CCDC7: variants seen among roughly 807,000 people sequenced by gnomAD.
CCDC7 encodes the protein coiled-coil domain-containing protein 7.
Under a neutral mutation model 196.9 loss-of-function variants are expected in CCDC7, and 183 were observed. The ratio of observed to expected loss-of-function variants is 0.93; its 90% CI spans 0.82 to 1.05. CCDC7 has a LOEUF of 1.05. CCDC7 is among the 50% of genes least tolerant of loss of function. CCDC7 has a pLI of 0.00. For synonymous variants in CCDC7, 525 were observed against 484.6 expected (o/e 1.08, Z -1.10); for missense variants, 1,540 against 1,482.2 (o/e 1.04, Z -0.64).
At chr10:32,634,186 T>C in intron 18 of CCDC7, 68 bp from the exon 20 acceptor site, 12 of 655,114 alleles carry the variant, frequency 1.8e-5, no homozygotes, top group Non-Finnish European at 2.6e-5. Flanking sequence ...GTTTAAAATG[T>C]GAAATTTGGA....
intron 33 of CCDC7, among the ~76,000 whole-genome samples, chr10:32,844,847 C>T (rs2093185468): frequency 6.6e-6 from 1 of 151,624 alleles, no homozygotes; most frequent in Non-Finnish European, 1.5e-5. Context: ...GACTCTTCTA[C>T]TATAATAATA....
At chr10:32,454,890 C>T (rs930765046) in intron 2 of CCDC7, among the ~76,000 whole-genome samples, 1 of 152,154 alleles carries the variant, frequency 6.6e-6, no homozygotes, top group African/African-American at 2.4e-5. Flanking sequence ...CACAGGGAAA[C>T]ATAATCCATT....
At chr10:32,683,938 A>G (rs1210288757) in intron 21 of CCDC7, among the ~76,000 whole-genome samples, 2 of 152,142 alleles carry the variant, frequency 1.3e-5, no homozygotes, top group Admixed American at 6.5e-5. Flanking sequence ...GAGGCACGAG[A>G]TAGCTTTTGA....
chr10:32,613,934 T>G (rs1413516894), intron 18 of CCDC7, among the ~76,000 whole-genome samples: 1 of 152,162 alleles, frequency 6.6e-6, no homozygotes, highest in Non-Finnish European at 1.5e-5. Flanking sequence ...GTTTATTAGG[T>G]CCAGAGCTGA....
Position 32,847,912 on chromosome 10 carries a change from C to T in CCDC7, c.3768C>T (p.His1256=), listed in dbSNP as rs1321777606. Residue 1256 remains histidine (H), a synonymous_variant, in exon 38 of 42, where the codon CAC becomes CAT. Coordinates refer to ENST00000639629, the Ensembl canonical transcript of CCDC7. The stretch of plus-strand genomic sequence containing the variant: ...AGATAAAGACACAACTAAGGACTCA[C>T]TATGGTAAGAATAATAATTTTAAGT... The T allele has an allele frequency of 2.5e-6, 4 of 1,584,052 alleles. No homozygotes were observed. In the South Asian group the frequency reaches 3.4e-5, roughly 13 times the overall value.
chr10:32,491,858 A>G (rs1298003976), intron 8 of CCDC7, 64 bp from the exon 10 acceptor site: 2 of 1,433,724 alleles, frequency 1.4e-6, no homozygotes, highest in Non-Finnish European at 1.9e-6. Flanking sequence ...AGTTATATTT[A>G]GCATAGAGCT....
chr10:32,561,107 A>T (rs1169884475), intron 13 of CCDC7, among the ~76,000 whole-genome samples: 1 of 152,232 alleles, frequency 6.6e-6, no homozygotes, highest in Non-Finnish European at 1.5e-5. Flanking sequence ...ATTCAACAAG[A>T]AGAGGTAACT....
At chr10:32,780,449 G>T (rs1304349953) in intron 29 of CCDC7, among the ~76,000 whole-genome samples, 1 of 152,130 alleles carries the variant, frequency 6.6e-6, no homozygotes, top group East Asian at 1.9e-4. Flanking sequence ...TTATGTTATG[G>T]ACACACAATA....
chr10:32,462,928 C>A, intron 4 of CCDC7, 89 bp from the exon 6 acceptor site: 10 of 1,559,042 alleles, frequency 6.4e-6, no homozygotes, highest in Non-Finnish European at 7.9e-6. Context: ...TTCAGAGACA[C>A]AGACACACAT....
At chr10:32,723,585 A>AGATT (rs2082707766) in intron 25 of CCDC7, among the ~76,000 whole-genome samples, 1 of 152,082 alleles carries the variant, frequency 6.6e-6, no homozygotes, top group African/African-American at 2.4e-5. Context: ...CTGAGGATGT[A>AGATT]GATTGTTTTG....
intron 20 of CCDC7, among the ~76,000 whole-genome samples, chr10:32,635,644 C>G (rs2065507180): frequency 6.6e-6 from 1 of 151,876 alleles, no homozygotes; most frequent in South Asian, 2.1e-4. Context: ...AAAACAAAAC[C>G]CAAAACAAAC....
intron 28 of CCDC7, among the ~76,000 whole-genome samples, chr10:32,753,526 A>G (rs1287507415): frequency 6.6e-6 from 1 of 152,176 alleles, no homozygotes; most frequent in Non-Finnish European, 1.5e-5. Context: ...GCCTAAAGTC[A>G]CATCATTACA....
At chr10:32,871,950 A>G (rs1003954478) in intron 41 of CCDC7, among the ~76,000 whole-genome samples, 2 of 152,150 alleles carry the variant, frequency 1.3e-5, no homozygotes, top group African/African-American at 4.8e-5. Flanking sequence ...GTTTGATTGC[A>G]CTGTGGTCTG....
At chr10:32,631,307 T>C (rs1055345865) in intron 18 of CCDC7, among the ~76,000 whole-genome samples, 2 of 152,206 alleles carry the variant, frequency 1.3e-5, no homozygotes, top group South Asian at 2.1e-4. Context: ...TATTTAGGTC[T>C]GCAGTCCACT....
At chr10:32,654,476 G>A (rs531418096) in intron 20 of CCDC7, among the ~76,000 whole-genome samples, 37 of 152,218 alleles carry the variant, frequency 2.4e-4, no homozygotes, top group African/African-American at 7.9e-4. Context: ...TTATTTTGCT[G>A]TTTTTGTTAT....
chr10:32,602,021 T>C (rs540581230), intron 18 of CCDC7, among the ~76,000 whole-genome samples: 161 of 152,256 alleles, frequency 1.1e-3, no homozygotes, highest in Non-Finnish European at 1.7e-3. Context: ...CCTTCCACAC[T>C]GTGGAAGCTT....
At chr10:32,867,523 T>C (rs1330992127) in intron 41 of CCDC7, among the ~76,000 whole-genome samples, 1 of 151,216 alleles carries the variant, frequency 6.6e-6, no homozygotes, top group Non-Finnish European at 1.5e-5. Flanking sequence ...TCAGTTTCTC[T>C]GTAAACTTGA....
chr10:32,572,148 C>T (rs1388055818), intron 16 of CCDC7, among the ~76,000 whole-genome samples: 1 of 151,936 alleles, frequency 6.6e-6, no homozygotes, highest in African/African-American at 2.4e-5. Context: ...CTGACAACAG[C>T]AATTAAAATT....
intron 8 of CCDC7, among the ~76,000 whole-genome samples, chr10:32,490,582 G>T (rs930844957): frequency 8.5e-5 from 13 of 152,136 alleles, no homozygotes; most frequent in Admixed American, 4.6e-4. Flanking sequence ...TGATCATGAG[G>T]TCAGGAGATT....
Sources: gnomAD v4.1 joint callset for allele counts (sites outside exome capture counted in the v4.1 genomes callset) on GRCh38, gnomAD v4.1.1 for gene constraint, MANE v1.5 for transcripts, NCBI Gene and HGNC (gene_info 2026-07-23, HGNC 2026-07-21) for gene names.